Variants in DPP6 observed in about 807,000 individuals in gnomAD.
DPP6 encodes the protein A-type potassium channel modulatory protein DPP6.
Under a neutral mutation model 122.6 loss-of-function variants are expected in DPP6, and 69 were observed. The observed-to-expected ratio is 0.56, with a 90% CI of 0.46 to 0.69. DPP6 has a LOEUF of 0.69. Ranked by LOEUF, DPP6 falls within the 30% of genes least tolerant of loss-of-function variation. The probability of loss-of-function intolerance (pLI) is 0.00; values close to 1 mark genes in which losing one functional copy is unlikely to be tolerated. For missense variants in DPP6, 928 were observed against 1,116.9 expected (o/e 0.83, Z 2.41); for synonymous variants, 418 against 433.1 (o/e 0.97, Z 0.43).
chr7:154,479,532 T>C (rs1327721756), intron 3 of DPP6, among the ~76,000 whole-genome samples: 4 of 124,316 alleles, frequency 3.2e-5, no homozygotes, highest in South Asian at 2.6e-4. Context: ...CACTCCAGCC[T>C]GGGTGACAGA....
Position 154,892,584 on chromosome 7 carries a change from G to T in DPP6, c.*104G>T. 1.3e-6 allele frequency: 2 copies of T among 1,546,938 alleles called. No individual in the cohort carries two copies. Among genetic ancestry groups the T allele is most frequent in the Non-Finnish European group, 1.7e-6 (2 of 1,144,180 alleles). Reference sequence around the variant, plus strand: ...CCTCGGAGGGGCGGGGCGGGGCGGGGCCGGGTGTTCCATAGCATGTGTGTC... The same window carrying T: ...CCTCGGAGGGGCGGGGCGGGGCGGGTCCGGGTGTTCCATAGCATGTGTGTC... On this transcript the variant is annotated 3_prime_UTR_variant, in exon 26 of 26. Transcript: ENST00000377770.
chr7:154,442,550 T>G (rs575967165), intron 1 of DPP6, among the ~76,000 whole-genome samples: 19 of 152,070 alleles, frequency 1.2e-4, no homozygotes, highest in African/African-American at 4.6e-4. Context: ...AAAGGGGACA[T>G]GGAAGGGAAT....
intron 1 of DPP6, among the ~76,000 whole-genome samples, chr7:154,176,660 C>T (rs961339163): frequency 6.6e-6 from 1 of 152,126 alleles, no homozygotes; most frequent in African/African-American, 2.4e-5. Context: ...AGCCTTTGTC[C>T]TGGACTCTCC....
intron 5 of DPP6, among the ~76,000 whole-genome samples, chr7:154,614,425 CT>C (rs67184731): frequency 0.4 from 61,216 of 151,944 alleles, 13,349 homozygotes; most frequent in East Asian, 0.64. Flanking sequence ...TTTGATGTAG[CT>C]TTTTTTCCAG....
chr7:154,177,033 C>T (rs1797840274), intron 1 of DPP6, among the ~76,000 whole-genome samples: 1 of 152,026 alleles, frequency 6.6e-6, no homozygotes, highest in Admixed American at 6.6e-5. Flanking sequence ...GGAGTCTCGT[C>T]ATGTTGCCCA....
At position 154,201,900 on chromosome 7, in the gene DPP6, T is replaced by A. The variant is rs116573720; in HGVS notation, c.243+148837T>A. Reference sequence around the variant, plus strand: ...ACCTAAACTTCCTAGATCTGTTTTTTAATTTTTTTTGTTAAATCATTGCAA... The same window carrying A: ...ACCTAAACTTCCTAGATCTGTTTTTAAATTTTTTTTGTTAAATCATTGCAA... On this transcript the variant is annotated intron_variant, in intron 1 of 25. Coordinates refer to ENST00000377770, the MANE Select transcript of DPP6 (RefSeq NM_130797.4). Among the ~76,000 whole-genome samples, 615 of 152,360 alleles carry A rather than the reference T, an allele frequency of 4.0e-3. 4 individuals carry two copies. The highest frequency in any genetic ancestry group is 0.014 in the African/African-American group (591 of 41,594).
intron 3 of DPP6, among the ~76,000 whole-genome samples, chr7:154,478,349 G>A (rs1413129841): frequency 2.0e-5 from 3 of 152,052 alleles, no homozygotes; most frequent in African/African-American, 4.8e-5. Context: ...ATTTGTTCAT[G>A]GAACTGTTTC....
intron 10 of DPP6, among the ~76,000 whole-genome samples, chr7:154,790,615 G>C (rs1345237614): frequency 6.6e-6 from 1 of 151,904 alleles, no homozygotes; most frequent in Non-Finnish European, 1.5e-5. Context: ...GAAACTGAGG[G>C]TTGAAGCACC....
the DPP6 span, among the ~76,000 whole-genome samples, chr7:153,843,035 C>T: frequency 1.3e-5 from 2 of 151,740 alleles, no homozygotes; most frequent in Non-Finnish European, 3.0e-5. Flanking sequence ...CACACACACA[C>T]ATGCATACAC....
intron 1 of DPP6, among the ~76,000 whole-genome samples, chr7:154,164,982 G>A (rs763144091): frequency 2.7e-5 from 4 of 150,630 alleles, no homozygotes; most frequent in Non-Finnish European, 5.9e-5. Flanking sequence ...ATTCTAATTA[G>A]CCATTTTGTA....
chr7:154,883,757 ACCTACT>A (rs1265714970), intron 21 of DPP6: 2 of 149,208 alleles, frequency 1.3e-5, no homozygotes, highest in Non-Finnish European at 3.0e-5. Context: ...GACTACATAC[ACCTACT>A]CACACACACA....
intron 1 of DPP6, among the ~76,000 whole-genome samples, chr7:154,236,207 T>C (rs1165159012): frequency 1.3e-5 from 2 of 152,208 alleles, no homozygotes; most frequent in African/African-American, 4.8e-5. Flanking sequence ...AATAGGAATG[T>C]TGTTAAATTT....
At chr7:154,464,509 A>C (rs1394557568) in intron 2 of DPP6, among the ~76,000 whole-genome samples, 1 of 152,180 alleles carries the variant, frequency 6.6e-6, no homozygotes, top group Non-Finnish European at 1.5e-5. Context: ...GAAGGCTTTT[A>C]TTTGGCCATC....
the DPP6 span, among the ~76,000 whole-genome samples, chr7:153,863,638 A>C: frequency 6.6e-6 from 1 of 152,170 alleles, no homozygotes; most frequent in African/African-American, 2.4e-5. Context: ...ATGCTTACAG[A>C]ATTGTACACC....
chr7:154,757,281 G>A (rs1178618720), intron 8 of DPP6, among the ~76,000 whole-genome samples: 2 of 152,124 alleles, frequency 1.3e-5, no homozygotes, highest in Admixed American at 1.3e-4. Context: ...ATCCTCTGAG[G>A]AACTGGCCAG....
rs1045079629 is a variant in DPP6, at chr7:154,012,302, A to T, written c.51+124568A>T. Among the ~76,000 whole-genome samples the T allele has an allele frequency of 3.3e-5, 5 of 152,252 alleles. 1 individual carries two copies. The highest frequency in any genetic ancestry group is 7.3e-5 in the Non-Finnish European group (5 of 68,052). On this transcript the variant is annotated intron_variant, in intron 1 of 25. Transcript: ENST00000404039. Reference sequence around the variant, plus strand: ...CTAAAACTATTAAATTTCTAGAGGAAATCATAGCCCTACATCTAATATATA... The same window carrying T: ...CTAAAACTATTAAATTTCTAGAGGATATCATAGCCCTACATCTAATATATA...
At chr7:154,360,789 G>A (rs1811657723) in intron 1 of DPP6, among the ~76,000 whole-genome samples, 2 of 152,218 alleles carry the variant, frequency 1.3e-5, no homozygotes, top group Admixed American at 6.5e-5. Flanking sequence ...ATAACAGGAA[G>A]CAGCATAAAT....
At chr7:154,777,054 G>T (rs145644713) in intron 10 of DPP6, among the ~76,000 whole-genome samples, 2 of 152,330 alleles carry the variant, frequency 1.3e-5, no homozygotes, top group Non-Finnish European at 2.9e-5. Context: ...TTCTCCGATG[G>T]TTCTCAGATG....
intron 16 of DPP6, among the ~76,000 whole-genome samples, chr7:154,827,700 G>A (rs1800275570): frequency 1.5e-5 from 2 of 136,150 alleles, no homozygotes; most frequent in South Asian, 2.6e-4. Context: ...GTGAGGAGGG[G>A]GTGTCTCCCA....
Sources: gnomAD v4.1 joint callset for allele counts (sites outside exome capture counted in the v4.1 genomes callset) on GRCh38, gnomAD v4.1.1 for gene constraint, MANE v1.5 for transcripts, NCBI Gene and HGNC (gene_info 2026-07-23, HGNC 2026-07-21) for gene names.